The following SEMA5B variants were observed in gnomAD, a reference collection of about 807,000 sequenced individuals.
The protein encoded by SEMA5B is semaphorin 5B.
A neutral mutation model predicts 135.0 loss-of-function variants in SEMA5B; 66 were observed. The observed-to-expected ratio is 0.49, with a 90% CI of 0.40 to 0.60. The LOEUF is 0.60. Ranked by LOEUF, SEMA5B falls within the 20% of genes least tolerant of loss-of-function variation. The pLI, the probability that SEMA5B is intolerant of heterozygous loss-of-function variation, is 0.00. For synonymous variants in SEMA5B, 690 were observed against 639.5 expected (o/e 1.08, Z -1.19); for missense variants, 1,501 against 1,566.3 (o/e 0.96, Z 0.70).
intron 9 of SEMA5B, among the ~76,000 whole-genome samples, chr3:122,924,335 CT>C (rs1470858464): frequency 6.6e-6 from 1 of 152,156 alleles, no homozygotes; most frequent in Non-Finnish European, 1.5e-5. Flanking sequence ...TACCAAACGC[CT>C]CCAGTTATAT....
At chr3:122,925,014 C>A (rs1196173620) in intron 9 of SEMA5B, among the ~76,000 whole-genome samples, 2 of 152,226 alleles carry the variant, frequency 1.3e-5, no homozygotes, top group African/African-American at 4.8e-5. Flanking sequence ...AGAAGGCATG[C>A]AATCAATACA....
intron 4 of SEMA5B, among the ~76,000 whole-genome samples, chr3:122,941,943 G>C (rs1939582553): frequency 6.6e-6 from 1 of 152,034 alleles, no homozygotes; most frequent in Non-Finnish European, 1.5e-5. Flanking sequence ...CTCTTTGCTG[G>C]GAAAATAAAG....
Position 122,913,298 on chromosome 3 carries a change from G to T in SEMA5B, c.2407C>A (p.Arg803Ser). ...CCGTGCGGGTCTGCAAGGGGCGCGC[G>T]GCAGGTGAAGCGGAACCGCTGCTCC... ...RQEQRFRFTC[R>S]APLADPHGLQ... is the part of the protein sequence containing the mutation. The change falls in exon 17 of 23, where the codon CGC becomes AGC. Residue 803 changes from arginine (R) to serine (S), a missense_variant. Physicochemically the swap from Arg to Ser is moderately radical, Grantham distance 110 (BLOSUM62 -1). Around this residue, in one of 2 missense-constraint regions of SEMA5B, gnomAD observed 927 missense variants for 881.6 expected, o/e 1.05. Coordinates refer to ENST00000357599, the MANE Select transcript of SEMA5B (RefSeq NM_001031702.4). The T allele has an allele frequency of 1.3e-6, 2 of 1,579,320 alleles. No individual in the cohort carries two copies. The highest frequency in any genetic ancestry group is 2.3e-5 in the East Asian group (1 of 43,752).
Position 122,913,223 on chromosome 3 carries a change from C to G in SEMA5B, c.2482G>C (p.Gly828Arg). The change falls in exon 17 of 23, where the codon GGC becomes CGC. Residue 828 changes from glycine (G) to arginine (R), a missense_variant. Coordinates refer to ENST00000357599, the MANE Select transcript of SEMA5B (RefSeq NM_001031702.4). The part of the protein sequence containing the change: ...RTETRTCPAD[G>R]SGSCDTDALV... ...CCGTCGGTGTCGCAGGAGCCGGAGC[C>G]GTCCGCGGGACAGGTCCTCGTCTCG... 6.3e-7 allele frequency: 1 copy of G among 1,577,232 alleles called. No homozygotes were observed. The highest frequency in any genetic ancestry group is 8.5e-7 in the Non-Finnish European group (1 of 1,171,298).
intron 12 of SEMA5B, 33 bp downstream of exon 12, chr3:122,921,882 G>A (rs1436684046): frequency 1.6e-5 from 24 of 1,509,208 alleles, no homozygotes; most frequent in Non-Finnish European, 2.1e-5. Flanking sequence ...CCTCCGCAGT[G>A]GAGGCCTCGG....
At chr3:122,979,029 G>A (rs1057254566) in intron 1 of SEMA5B, among the ~76,000 whole-genome samples, 2 of 152,186 alleles carry the variant, frequency 1.3e-5, no homozygotes, top group African/African-American at 2.4e-5. Flanking sequence ...GCGGTTCAGA[G>A]AGGGAGACGC....
rs187013570 is a variant in SEMA5B, at chr3:122,995,518, C to T, written c.-39+31946G>A. ...AGAGGTCTTGATTCATACCTGAAAG[C>T]GGCTGGCCTGGGCCACACATGGTTT... On this transcript the variant is annotated intron_variant, in intron 1 of 22. Coordinates refer to ENST00000357599, the MANE Select transcript of SEMA5B (RefSeq NM_001031702.4). 7.2e-5 allele frequency among the ~76,000 whole-genome samples: 11 copies of T among 152,310 alleles called. No individual in the cohort carries two copies. The East Asian group carries it at 9.7e-4, about 13-fold the overall frequency.
At chr3:122,915,418 T>C (rs748601757) in intron 14 of SEMA5B, 22 bp downstream of exon 14, 2 of 1,592,418 alleles carry the variant, frequency 1.3e-6, no homozygotes, top group Admixed American at 1.7e-5. Context: ...GCAGACACCA[T>C]GTAAACCCTG....
In SEMA5B at chr3:122,948,647, C is replaced by T; in HGVS notation, c.187G>A (p.Gly63Ser). 6.2e-7 allele frequency: 1 copy of T among 1,613,790 alleles called. No individual in the cohort carries two copies. The highest frequency in any genetic ancestry group is 8.5e-7 in the Non-Finnish European group (1 of 1,179,872). The stretch of plus-strand genomic sequence containing the variant: ...AGCAACAGCGAGACAGCCAGGGGGC[C>T]TGCAAGCACCATGATAGGCCCCTCT... ...TAEGPIMVLAGPLAVSLLLPS... is the reference protein window; with the variant it reads ...TAEGPIMVLASPLAVSLLLPS... Residue 63 changes from glycine to serine, a missense_variant, in exon 3 of 23, where the codon GGC becomes AGC. By Grantham distance (56) the Gly-to-Ser change is moderately conservative. Coordinates refer to ENST00000357599, the MANE Select transcript of SEMA5B (RefSeq NM_001031702.4).
chr3:123,023,697 C>T (rs1423249899), intron 1 of SEMA5B, among the ~76,000 whole-genome samples: 3 of 152,298 alleles, frequency 2.0e-5, no homozygotes, highest in Admixed American at 6.5e-5. Context: ...CTGTCAGGTC[C>T]CCCAGACAAA....
intron 5 of SEMA5B, among the ~76,000 whole-genome samples, chr3:122,930,708 G>A (rs9835868): frequency 0.22 from 33,484 of 152,240 alleles, 3,832 homozygotes; most frequent in Middle Eastern, 0.32. Flanking sequence ...GAATTCAACA[G>A]TGGGACAGGC....
chr3:122,927,114 C>A (rs780416547), intron 8 of SEMA5B, among the ~76,000 whole-genome samples: 2 of 152,194 alleles, frequency 1.3e-5, no homozygotes, highest in African/African-American at 4.8e-5. Context: ...TTTGCGCCAA[C>A]CTAATAGTTA....
At chr3:122,921,471 A>C (rs900542164) in intron 12 of SEMA5B, among the ~76,000 whole-genome samples, 2 of 152,210 alleles carry the variant, frequency 1.3e-5, no homozygotes. Flanking sequence ...AGGAAGCAAG[A>C]GGAGCAAAAA....
At chr3:123,011,986 C>T (rs984171033) in intron 1 of SEMA5B, among the ~76,000 whole-genome samples, 1 of 152,160 alleles carries the variant, frequency 6.6e-6, no homozygotes, top group Admixed American at 6.5e-5. Flanking sequence ...ATGCATTTCC[C>T]GGGCTCTGTC....
At chr3:122,961,406 CTG>C in intron 1 of SEMA5B, 105 bp from the exon 2 acceptor site, 1 of 1,032,290 alleles carries the variant, frequency 9.7e-7, no homozygotes, top group Non-Finnish European at 1.4e-6. Flanking sequence ...ATGGTTGCTG[CTG>C]TGTTTGTTTC....
chr3:122,965,540 G>C (rs536530666), intron 1 of SEMA5B, among the ~76,000 whole-genome samples: 2 of 152,344 alleles, frequency 1.3e-5, no homozygotes, highest in African/African-American at 4.8e-5. Context: ...TAAGACAAGA[G>C]ACAAGCCAAG....
chr3:123,008,511 T>C (rs1576406447), intron 1 of SEMA5B, among the ~76,000 whole-genome samples: 1 of 151,498 alleles, frequency 6.6e-6, no homozygotes. Context: ...GATGGGTGGG[T>C]GGGATCTGAA....
intron 14 of SEMA5B, 32 bp downstream of exon 14, chr3:122,915,408 G>A (rs1172475203): frequency 6.4e-7 from 1 of 1,573,388 alleles, no homozygotes. Flanking sequence ...CTGGTCCAAG[G>A]CAGACACCAT....
intron 1 of SEMA5B, among the ~76,000 whole-genome samples, chr3:123,007,992 A>G (rs1942351234): frequency 6.6e-6 from 1 of 152,272 alleles, no homozygotes. Flanking sequence ...ATAATTTTCA[A>G]AATGCTTTCA....
Sources: allele counts gnomAD v4.1 joint callset (sites outside exome capture counted in the v4.1 genomes callset), GRCh38; gene constraint gnomAD v4.1.1; regional missense constraint gnomAD v4.1.1; transcripts MANE v1.5; gene names NCBI Gene and HGNC (gene_info 2026-07-23, HGNC 2026-07-21).